TAF3: variants seen among roughly 807,000 people sequenced by gnomAD.
TAF3 encodes the protein TATA-box binding protein associated factor 3.
TAF3 carries 7 observed loss-of-function variants against 80.6 expected under a neutral mutation model. The observed-to-expected ratio is 0.09, with a 90% CI of 0.05 to 0.16. TAF3 has a LOEUF of 0.16. TAF3 is among the 10% of genes least tolerant of loss of function. TAF3 has a pLI of 1.00. For missense variants in TAF3, 921 were observed against 1,140.2 expected (o/e 0.81, Z 2.77); for synonymous variants, 444 against 446.1 (o/e 1.00, Z 0.06).
At chr10:7,965,797 A>G in intron 3 of TAF3, 55 bp downstream of exon 3, 15 of 1,430,676 alleles carry the variant, frequency 1.0e-5, no homozygotes, top group African/African-American at 1.4e-5. Context: ...TGAGAAACAC[A>G]GGTAAACAAA....
At chr10:7,829,496 A>C (rs569098760) in intron 2 of TAF3, among the ~76,000 whole-genome samples, 91 of 152,158 alleles carry the variant, frequency 6.0e-4, no homozygotes, top group African/African-American at 2.1e-3. Context: ...CGACCTTGAC[A>C]GTTTTGAGGA....
At chr10:7,906,199 G>T (rs1045229984) in intron 2 of TAF3, among the ~76,000 whole-genome samples, 2 of 152,108 alleles carry the variant, frequency 1.3e-5, no homozygotes, top group Non-Finnish European at 2.9e-5. Flanking sequence ...TCCTACTGAA[G>T]TTATAGTTTC....
intron 2 of TAF3, among the ~76,000 whole-genome samples, chr10:7,865,024 G>A (rs1837195987): frequency 6.6e-6 from 1 of 152,168 alleles, no homozygotes; most frequent in Non-Finnish European, 1.5e-5. Context: ...TATGGGAGAA[G>A]CTTGGTAGAA....
intron 4 of TAF3, among the ~76,000 whole-genome samples, chr10:8,008,192 G>A (rs1309542314): frequency 1.3e-5 from 2 of 151,390 alleles, no homozygotes; most frequent in Admixed American, 1.3e-4. Context: ...TGCCTCCTGG[G>A]TTCAAGCGAT....
chr10:7,919,389 G>T (rs193162736), intron 2 of TAF3, among the ~76,000 whole-genome samples: 3 of 152,194 alleles, frequency 2.0e-5, no homozygotes, highest in Admixed American at 1.3e-4. Context: ...CTTGCAGGGT[G>T]TACTGTCCTG....
At chr10:7,832,145 T>C (rs954442951) in intron 2 of TAF3, among the ~76,000 whole-genome samples, 7 of 152,206 alleles carry the variant, frequency 4.6e-5, no homozygotes, top group African/African-American at 1.7e-4. Context: ...GTACTCCTCC[T>C]GTCAGATTGA....
intron 2 of TAF3, among the ~76,000 whole-genome samples, chr10:7,825,859 T>C (rs1432292342): frequency 6.6e-6 from 1 of 152,202 alleles, no homozygotes; most frequent in East Asian, 1.9e-4. Flanking sequence ...TTTGGGTCTG[T>C]ACCTTGAAGT....
Position 8,014,632 on chromosome 10 carries a change from T to C in TAF3, c.2676-5T>C. ...TTGCTTATCTGAGCTTGTTTTCACGTGCAGGCCCTGTGTTGGAATCATGAC... is the reference window on the plus strand; with the variant it reads ...TTGCTTATCTGAGCTTGTTTTCACGCGCAGGCCCTGTGTTGGAATCATGAC... On this transcript the variant is annotated splice_polypyrimidine_tract_variant and splice_region_variant and intron_variant, in intron 6 of 6. Coordinates refer to ENST00000344293, the MANE Select transcript of TAF3 (RefSeq NM_031923.4). The C allele has an allele frequency of 6.2e-7, 1 of 1,611,348 alleles. No homozygotes were observed. The highest frequency in any genetic ancestry group is 1.7e-5 in the Admixed American group (1 of 59,680).
intron 2 of TAF3, among the ~76,000 whole-genome samples, chr10:7,855,116 A>G (rs1837065656): frequency 6.6e-6 from 1 of 152,220 alleles, no homozygotes; most frequent in African/African-American, 2.4e-5. Context: ...TCAAATGGTA[A>G]AGAACTTAGC....
At chr10:7,836,544 G>A (rs763077808) in intron 2 of TAF3, among the ~76,000 whole-genome samples, 141 of 152,160 alleles carry the variant, frequency 9.3e-4, no homozygotes, top group South Asian at 1.5e-3. Context: ...AAAGTGCTGG[G>A]ATTACAGGCG....
At chr10:7,930,432 G>A (rs1837857519) in intron 2 of TAF3, among the ~76,000 whole-genome samples, 1 of 152,178 alleles carries the variant, frequency 6.6e-6, no homozygotes, top group African/African-American at 2.4e-5. Flanking sequence ...CTAGAGTAGG[G>A]AGTACAAATT....
At chr10:7,923,871 G>T (rs1410604555) in intron 2 of TAF3, among the ~76,000 whole-genome samples, 4 of 152,110 alleles carry the variant, frequency 2.6e-5, no homozygotes, top group African/African-American at 9.7e-5. Context: ...TAAGAAATTT[G>T]TATAAAGCTA....
rs544543361 is a variant in TAF3, at chr10:7,899,650, G to A, written c.410-64270G>A. ...CCCGTTGATACTGAAGAACACAAAGGAAGAAATCAGAGGAAAAGCTTAGAT... is the reference window on the plus strand; with the variant it reads ...CCCGTTGATACTGAAGAACACAAAGAAAGAAATCAGAGGAAAAGCTTAGAT... On this transcript the variant is annotated intron_variant, in intron 2 of 6. Coordinates refer to ENST00000344293, the MANE Select transcript of TAF3 (RefSeq NM_031923.4). Among the ~76,000 whole-genome samples the A allele has an allele frequency of 2.6e-5, 4 of 152,202 alleles. No individual in the cohort carries two copies. The East Asian group carries it at 5.8e-4, about 22-fold the overall frequency.
chr10:8,009,250 T>A lies in TAF3; in HGVS notation c.2488T>A (p.Ser830Thr). 6.5e-7 allele frequency: 1 copy of A among 1,527,020 alleles called. No homozygotes were observed. The highest frequency in any genetic ancestry group is 8.8e-7 in the Non-Finnish European group (1 of 1,139,472). 94.6% of individuals were successfully genotyped at this position (1,527,020 alleles called of 1,614,324 possible). The change falls in exon 5 of 7, where the codon TCC becomes ACC. Residue 830 changes from serine to threonine, a missense_variant. Around this residue, in one of 6 missense-constraint regions of TAF3, gnomAD observed 743 missense variants for 821.0 expected, o/e 0.90. Coordinates refer to ENST00000344293, the MANE Select transcript of TAF3 (RefSeq NM_031923.4). The surrounding 1 kb of genome is among the most constrained non-coding windows in gnomAD (Gnocchi z 4.1). Reference sequence around the variant, plus strand: ...CGCCGCGGGCCCTGCCCTGCTGCCCTCCCCGGGTCCCGCCGCCTCCGGGGC... The same window carrying A: ...CGCCGCGGGCCCTGCCCTGCTGCCCACCCCGGGTCCCGCCGCCTCCGGGGC... ...QAAAGPALLP[S>T]PGPAASGASA...
At chr10:7,956,089 A>C (rs1838132691) in intron 2 of TAF3, among the ~76,000 whole-genome samples, 2 of 152,226 alleles carry the variant, frequency 1.3e-5, no homozygotes, top group Non-Finnish European at 2.9e-5. Flanking sequence ...TAATAGATGT[A>C]GTTATATAAT....
intron 2 of TAF3, among the ~76,000 whole-genome samples, chr10:7,893,968 A>G (rs971838759): frequency 1.3e-5 from 2 of 152,106 alleles, no homozygotes; most frequent in East Asian, 3.9e-4. Flanking sequence ...CTTTAACTTA[A>G]TGTTTTCGCC....
chr10:7,844,566 T>G (rs935175515), intron 2 of TAF3, among the ~76,000 whole-genome samples: 26 of 151,952 alleles, frequency 1.7e-4, no homozygotes, highest in Non-Finnish European at 3.7e-4. Flanking sequence ...TTAGTAGAGA[T>G]GGGGTTTCAC....
intron 1 of TAF3, among the ~76,000 whole-genome samples, chr10:7,820,904 C>T (rs1836683832): frequency 6.6e-6 from 1 of 152,222 alleles, no homozygotes; most frequent in Non-Finnish European, 1.5e-5. Context: ...TTCCTCTGGC[C>T]TCCGCTGCAG....
intron 2 of TAF3, among the ~76,000 whole-genome samples, chr10:7,907,436 A>C (rs1045565418): frequency 4.6e-5 from 7 of 152,268 alleles, no homozygotes; most frequent in Non-Finnish European, 1.5e-5. Flanking sequence ...GAAAAATACA[A>C]TTAGCCCAAG....
Sources: gnomAD v4.1 joint callset for allele counts (sites outside exome capture counted in the v4.1 genomes callset) on GRCh38, gnomAD v4.1.1 for gene constraint, gnomAD v4.1.1 regional missense constraint, Gnocchi (gnomAD v3.1) non-coding constraint, MANE v1.5 for transcripts, NCBI Gene and HGNC (gene_info 2026-07-23, HGNC 2026-07-21) for gene names.